The following KCMF1 variants were observed in gnomAD, a reference collection of about 807,000 sequenced individuals.
KCMF1 encodes E3 ubiquitin-protein ligase KCMF1.
In KCMF1, 3 loss-of-function variants were observed where a neutral mutation model predicts 41.1. The observed-to-expected ratio is 0.07, with a 90% CI of 0.03 to 0.19. KCMF1 has a LOEUF of 0.19. Ranked by LOEUF, KCMF1 falls within the 10% of genes least tolerant of loss-of-function variation. KCMF1 has a pLI of 1.00. For synonymous variants in KCMF1, 142 were observed against 164.5 expected (o/e 0.86, Z 1.04); for missense variants, 286 against 488.9 (o/e 0.58, Z 3.91).
intron 3 of KCMF1, among the ~76,000 whole-genome samples, chr2:85,041,445 T>G (rs969300837): frequency 2.6e-5 from 4 of 152,228 alleles, no homozygotes; most frequent in Admixed American, 6.5e-5. Flanking sequence ...TATATCCTTG[T>G]GGAGACTTTT....
chr2:85,000,290 T>G (rs905612314), intron 1 of KCMF1, among the ~76,000 whole-genome samples: 1 of 152,100 alleles, frequency 6.6e-6, no homozygotes. Context: ...CATGCCCAGC[T>G]AATTTCGTGT....
intron 3 of KCMF1, among the ~76,000 whole-genome samples, chr2:85,037,009 CT>C (rs1675420270): frequency 1.3e-5 from 2 of 151,028 alleles, no homozygotes; most frequent in South Asian, 4.2e-4. Flanking sequence ...CATCCCGCCC[CT>C]GAAAGTAAAT....
At chr2:84,971,806 C>A (rs1221618419) in intron 1 of KCMF1, among the ~76,000 whole-genome samples, 1 of 151,358 alleles carries the variant, frequency 6.6e-6, no homozygotes, top group Admixed American at 6.6e-5. Context: ...AAGGCCCGCC[C>A]GGCCGGTTCA....
rs572480818 is a variant in KCMF1 at position 85,041,615 on chromosome 2, A to T, written c.325-1949A>T. On this transcript the variant is annotated intron_variant, in intron 3 of 6. Transcript: ENST00000409785. ...CTTTTGGTGGTTATTTTCTCTTTAA[A>T]TAAAAATCTTATACAGCCTTATAAT... Among the ~76,000 whole-genome samples the T allele has an allele frequency of 4.6e-4, 70 of 152,312 alleles. No individual in the cohort carries two copies. In the South Asian group the frequency reaches 0.013, roughly 28 times the overall value.
chr2:85,020,509 G>T (rs540506530), intron 1 of KCMF1, among the ~76,000 whole-genome samples: 53 of 152,096 alleles, frequency 3.5e-4, no homozygotes, highest in Non-Finnish European at 5.9e-4. Context: ...GCTCACTGCA[G>T]TCTCAACCTC....
intron 1 of KCMF1, among the ~76,000 whole-genome samples, chr2:84,975,855 A>T (rs890806549): frequency 3.3e-5 from 5 of 152,244 alleles, no homozygotes; most frequent in Admixed American, 2.6e-4. Context: ...TTATTAGCTA[A>T]AATGAAATCA....
intron 1 of KCMF1, among the ~76,000 whole-genome samples, chr2:84,974,692 T>TATATATA (rs1491555128): frequency 2.9e-4 from 5 of 17,220 alleles, no homozygotes; most frequent in African/African-American, 4.4e-4. Context: ...TATATATATA[T>TATATATA]TTTTTTTTTT....
chr2:84,978,396 A>C (rs1485884973), intron 1 of KCMF1, among the ~76,000 whole-genome samples: 1 of 152,220 alleles, frequency 6.6e-6, no homozygotes. Flanking sequence ...TAAGCTTTGC[A>C]ACCTTTTTAA....
At chr2:85,008,291 T>TATATAATATATAATATGATATATC (rs1486177880) in intron 1 of KCMF1, among the ~76,000 whole-genome samples, 1 of 14,622 alleles carries the variant, frequency 6.8e-5, no homozygotes, top group Non-Finnish European at 1.7e-4. Flanking sequence ...TGATATATAA[T>TATATAATATATAATATGATATATC]ATATATAATA....
chr2:84,975,597 T>G (rs932943307), intron 1 of KCMF1, among the ~76,000 whole-genome samples: 1 of 152,324 alleles, frequency 6.6e-6, no homozygotes, highest in African/African-American at 2.4e-5. Context: ...AGGGCCACTT[T>G]TAACTCACTT....
chr2:85,002,969 GTAAA>G (rs1674370370), intron 1 of KCMF1, among the ~76,000 whole-genome samples: 1 of 152,154 alleles, frequency 6.6e-6, no homozygotes, highest in African/African-American at 2.4e-5. Context: ...GTCTGGCAGA[GTAAA>G]ATGTTGTAGA....
intron 5 of KCMF1, among the ~76,000 whole-genome samples, chr2:85,047,435 C>CATTTCAG (rs1175597104): frequency 2.0e-5 from 3 of 152,194 alleles, no homozygotes; most frequent in Admixed American, 6.5e-5. Flanking sequence ...CACATGGACA[C>CATTTCAG]ATTTCAGAAC....
chr2:85,005,312 A>G (rs374641016), intron 1 of KCMF1, among the ~76,000 whole-genome samples: 3 of 148,748 alleles, frequency 2.0e-5, no homozygotes, highest in East Asian at 4.1e-4. Flanking sequence ...TTTTTGAGAC[A>G]GAGTCTCACA....
chr2:85,039,910 T>C (rs1675485999), intron 3 of KCMF1, among the ~76,000 whole-genome samples: 1 of 152,120 alleles, frequency 6.6e-6, no homozygotes, highest in Admixed American at 6.5e-5. Flanking sequence ...CCTCCCAAGT[T>C]CAAGCAATTC....
intron 5 of KCMF1, among the ~76,000 whole-genome samples, chr2:85,046,599 C>T (rs1675673072): frequency 6.7e-6 from 1 of 149,462 alleles, no homozygotes; most frequent in Non-Finnish European, 1.5e-5. Flanking sequence ...CACTGCAGTC[C>T]AGCCTGGGTG....
intron 2 of KCMF1, among the ~76,000 whole-genome samples, chr2:85,031,082 TC>T (rs1287457581): frequency 1.3e-5 from 2 of 152,358 alleles, no homozygotes; most frequent in East Asian, 3.9e-4. Flanking sequence ...GAGTGAGTCT[TC>T]CAACTTTGTT....
chr2:85,038,525 T>C (rs1383702636), intron 3 of KCMF1, among the ~76,000 whole-genome samples: 3 of 152,248 alleles, frequency 2.0e-5, no homozygotes, highest in Non-Finnish European at 4.4e-5. Context: ...ACTAATACTT[T>C]TAATTGGGCA....
chr2:85,022,752 CTCT>C (rs1674975745), intron 1 of KCMF1, among the ~76,000 whole-genome samples: 2 of 152,170 alleles, frequency 1.3e-5, no homozygotes, highest in South Asian at 4.1e-4. Flanking sequence ...ACATACTCAT[CTCT>C]TCATCACCTT....
intron 1 of KCMF1, among the ~76,000 whole-genome samples, chr2:85,012,504 CT>C (rs1674676399): frequency 6.6e-6 from 1 of 152,146 alleles, no homozygotes; most frequent in African/African-American, 2.4e-5. Context: ...TTCCTTCTTT[CT>C]TTTCCGTATT....
Sources: gnomAD v4.1 joint callset for allele counts (sites outside exome capture counted in the v4.1 genomes callset) on GRCh38, gnomAD v4.1.1 for gene constraint, MANE v1.5 for transcripts, NCBI Gene and HGNC (gene_info 2026-07-23, HGNC 2026-07-21) for gene names.